The following METTL16 variants were observed in gnomAD, a reference collection of about 807,000 sequenced individuals.
METTL16 encodes the protein RNA N(6)-adenosine-methyltransferase METTL16.
METTL16 carries 19 observed loss-of-function variants against 57.9 expected under a neutral mutation model. That is an observed-to-expected ratio of 0.33 (90% CI 0.23 to 0.48). METTL16 has a LOEUF of 0.48. Among genes scored for constraint, METTL16 ranks in the 20% least tolerant of loss-of-function variants. The pLI is 0.99. For synonymous variants in METTL16, 246 were observed against 255.6 expected, an observed-to-expected ratio of 0.96 and a Z score of 0.36; for missense variants, 434 against 691.5, an observed-to-expected ratio of 0.63 and a Z score of 4.18.
At chr17:2,438,348 T>A (rs1375710114) in intron 7 of METTL16, 150 bp from the exon 8 acceptor site, 3 of 609,568 alleles carry the variant, frequency 4.9e-6, no homozygotes, top group Non-Finnish European at 9.0e-6. Context: ...AGCTGCCTAA[T>A]AATGAATGAA....
At position 2,461,574 on chromosome 17, in the gene METTL16, G is replaced by C. The variant is rs1486598128; in HGVS notation, c.728+2634C>G. On this transcript the variant is annotated intron_variant, in intron 6 of 9. Coordinates refer to ENST00000263092, the MANE Select transcript of METTL16 (RefSeq NM_024086.4). Reference sequence around the variant, plus strand: ...TTTTCATTTCTGAGGATGTTCTCCTGTCTTTTTTTTTTTTTTTTTTCAGAT... The same window carrying C: ...TTTTCATTTCTGAGGATGTTCTCCTCTCTTTTTTTTTTTTTTTTTTCAGAT... Among the ~76,000 whole-genome samples the C allele has an allele frequency of 3.5e-5, 5 of 142,214 alleles. No homozygotes were observed. The South Asian group carries it at 1.1e-3, about 31-fold the overall frequency. 93.3% of individuals were successfully genotyped at this position (142,214 alleles called of 152,430 possible).
chr17:2,438,189 C>T lies in METTL16; in HGVS notation c.808G>A (p.Val270Ile), dbSNP rs2066922060. 6.2e-7 allele frequency: 1 copy of T among 1,613,242 alleles called. No individual in the cohort carries two copies. The highest frequency in any genetic ancestry group is 1.3e-5 in the African/African-American group (1 of 74,926). The change falls in exon 8 of 10, where the codon GTA (valine) becomes ATA (isoleucine). Residue 270 changes from valine to isoleucine, a missense_variant. Physicochemically the swap from Val to Ile is conservative, Grantham distance 29. Coordinates refer to ENST00000263092, the MANE Select transcript of METTL16 (RefSeq NM_024086.4). ...CCTTGACAGAATTCAGTGTACGTTA[C>T]TTTGGGAACCTGAAACCAACAAAGA... ...EELRIQGVPKVTYTEFCQGRT... is the reference protein window; with the variant it reads ...EELRIQGVPKITYTEFCQGRT...
At chr17:2,507,165 T>G (rs1423511150) in intron 1 of METTL16, among the ~76,000 whole-genome samples, 1 of 144,158 alleles carries the variant, frequency 6.9e-6, no homozygotes, top group Non-Finnish European at 1.5e-5. Flanking sequence ...GAGGAGCCCC[T>G]CTGCCCGGCC....
intron 6 of METTL16, among the ~76,000 whole-genome samples, chr17:2,454,927 T>C (rs1373748943): frequency 6.6e-6 from 1 of 151,892 alleles, no homozygotes; most frequent in Admixed American, 6.6e-5. Context: ...TATTTATTTA[T>C]TTATTATTTT....
chr17:2,497,807 G>T (rs1286408170), intron 2 of METTL16, among the ~76,000 whole-genome samples: 1 of 151,266 alleles, frequency 6.6e-6, no homozygotes, highest in Non-Finnish European at 1.5e-5. Context: ...GTTCACTGCA[G>T]CCTTGACCCC....
chr17:2,464,970 C>T (rs916470192), intron 5 of METTL16, among the ~76,000 whole-genome samples: 9 of 152,176 alleles, frequency 5.9e-5, no homozygotes, highest in Middle Eastern at 3.4e-3. Context: ...CAAAGGGCAC[C>T]GTCAAGAAAG....
chr17:2,480,174 A>AG (rs1360350602), intron 2 of METTL16, among the ~76,000 whole-genome samples: 2 of 148,624 alleles, frequency 1.3e-5, no homozygotes, highest in Non-Finnish European at 3.0e-5. Flanking sequence ...TGACAGAGAG[A>AG]GACTCTGTCT....
Position 2,420,256 on chromosome 17 carries a change from C to G in METTL16, c.1403G>C (p.Ser468Thr), listed in dbSNP as rs774210882. The change falls in exon 10 of 10, where the codon AGT becomes ACT. Residue 468 changes from serine (S) to threonine (T), a missense_variant. Ser to Thr is a moderately conservative substitution (Grantham distance 58). Transcript: ENST00000263092. This position sits in a 1 kb window ranked among gnomAD's most constrained non-coding sequence, Gnocchi z 5.4. ...ENPEPTEDER[S>T]EEKGGVEVLE... Reference sequence around the variant, plus strand: ...AACCTCCACCCCTCCCTTTTCCTCACTCCTTTCATCCTCCGTGGGTTCCGG... The same window carrying G: ...AACCTCCACCCCTCCCTTTTCCTCAGTCCTTTCATCCTCCGTGGGTTCCGG... 5 of 1,614,168 alleles carry G rather than the reference C, an allele frequency of 3.1e-6. No individual in the cohort carries two copies. The East Asian group carries it at 1.1e-4, about 36-fold the overall frequency.
At chr17:2,480,490 C>A (rs554746999) in intron 2 of METTL16, among the ~76,000 whole-genome samples, 1 of 152,116 alleles carries the variant, frequency 6.6e-6, no homozygotes, top group Non-Finnish European at 1.5e-5. Flanking sequence ...GAAGCAATGA[C>A]GCTCCCATCG....
Position 2,511,835 on chromosome 17 carries a change from T to C in METTL16, c.-77A>G, listed in dbSNP as rs557674881. ...ACCCTAGAATCTTAAAGCAGCCGCA[T>C]AGCGAAGCTCCTAGAAACGCAGATG... On this transcript the variant is annotated 5_prime_UTR_variant, in exon 1 of 10. It removes an upstream start codon present in the reference 5' UTR. Coordinates refer to ENST00000263092, the MANE Select transcript of METTL16 (RefSeq NM_024086.4). The C allele has an allele frequency of 1.0e-4, 40 of 398,636 alleles. No homozygotes were observed. In the East Asian group the frequency reaches 1.4e-3, roughly 13 times the overall value. The allele number at this position is 398,636 out of a possible 1,614,324, so 24.7% of individuals were successfully genotyped here.
chr17:2,479,325 C>T (rs1310267977), intron 2 of METTL16, among the ~76,000 whole-genome samples: 11 of 140,986 alleles, frequency 7.8e-5, no homozygotes, highest in Non-Finnish European at 1.7e-4. Context: ...TACCACCACA[C>T]TAAGCTTTTT....
At chr17:2,423,499 C>CT (rs1393599184) in intron 8 of METTL16, among the ~76,000 whole-genome samples, 3 of 152,130 alleles carry the variant, frequency 2.0e-5, no homozygotes, top group Non-Finnish European at 4.4e-5. Flanking sequence ...CAGTAAGGAG[C>CT]TTACAATAAG....
intron 6 of METTL16, among the ~76,000 whole-genome samples, chr17:2,457,956 G>C (rs1160577620): frequency 6.6e-6 from 1 of 151,992 alleles, no homozygotes; most frequent in East Asian, 1.9e-4. Flanking sequence ...CACAGCTCAT[G>C]GCAGCCTCAA....
In METTL16 at chr17:2,484,598, G is replaced by A. The variant is rs555456356; in HGVS notation, c.129-6713C>T. On this transcript the variant is annotated intron_variant, in intron 2 of 9. Coordinates refer to ENST00000263092, the MANE Select transcript of METTL16 (RefSeq NM_024086.4). ...CAACCTCCACCTCCCGGCTTCAGGCGACTCTTCTGCCTCAACCTCCTGAGT... is the reference window on the plus strand; with the variant it reads ...CAACCTCCACCTCCCGGCTTCAGGCAACTCTTCTGCCTCAACCTCCTGAGT... 1.1e-4 allele frequency among the ~76,000 whole-genome samples: 17 copies of A among 151,974 alleles called. No individual in the cohort carries two copies. The South Asian group carries it at 2.7e-3, about 24-fold the overall frequency.
chr17:2,464,536 T>G (rs1167207784), intron 5 of METTL16, among the ~76,000 whole-genome samples, 186 bp from the exon 6 acceptor site: 1 of 152,238 alleles, frequency 6.6e-6, no homozygotes, highest in African/African-American at 2.4e-5. Flanking sequence ...CATGCAACTA[T>G]TTCTTCCCAG....
intron 7 of METTL16, among the ~76,000 whole-genome samples, chr17:2,439,750 T>C (rs920644744): frequency 1.5e-4 from 23 of 152,194 alleles, no homozygotes; most frequent in Non-Finnish European, 2.4e-4. Context: ...TCCACCTTTC[T>C]CTATAATTGT....
intron 3 of METTL16, among the ~76,000 whole-genome samples, chr17:2,476,316 T>C (rs148238799): frequency 9.2e-5 from 14 of 152,332 alleles, no homozygotes; most frequent in African/African-American, 3.1e-4. Context: ...ATGTGATTTA[T>C]TTGCATGGAG....
intron 6 of METTL16, among the ~76,000 whole-genome samples, chr17:2,450,960 AACTG>A (rs2067064304): frequency 6.6e-6 from 1 of 152,232 alleles, no homozygotes; most frequent in African/African-American, 2.4e-5. Context: ...AACTGTATGA[AACTG>A]ACATTTTTAT....
intron 1 of METTL16, among the ~76,000 whole-genome samples, chr17:2,503,123 G>A (rs2067501945): frequency 6.6e-6 from 1 of 152,136 alleles, no homozygotes. Flanking sequence ...CTGAAAGGAG[G>A]AACTGAAACA....
Sources: allele counts gnomAD v4.1 joint callset (sites outside exome capture counted in the v4.1 genomes callset), GRCh38; gene constraint gnomAD v4.1.1; non-coding constraint Gnocchi (gnomAD v3.1); transcripts MANE v1.5; gene names NCBI Gene and HGNC (gene_info 2026-07-23, HGNC 2026-07-21).